The following KIF1B variants were observed in gnomAD, a reference collection of about 807,000 sequenced individuals.
The protein encoded by KIF1B is kinesin-like protein KIF1B.
A neutral mutation model predicts 241.9 loss-of-function variants in KIF1B; 76 were observed. The ratio of observed to expected loss-of-function variants is 0.31; its 90% confidence interval spans 0.26 to 0.38. The LOEUF is 0.38. KIF1B is among the 10% of genes least tolerant of loss of function. KIF1B has a pLI of 1.00. For missense variants in KIF1B, 1,622 were observed against 2,271.4 expected (o/e 0.71, Z 5.81); for synonymous variants, 750 against 796.7 (o/e 0.94, Z 0.99).
At position 10,278,008 on chromosome 1, in the gene KIF1B, A is replaced by G; in HGVS notation, c.1060A>G (p.Ile354Val). Reference protein sequence around the residue: ...TLRYADRAKQIKCNAVINEDP... With the variant: ...TLRYADRAKQVKCNAVINEDP... ...TAGATATGCAGATCGTGCAAAACAAATTAAATGCAATGCTGTTATCAATGA... is the reference window on the plus strand; with the variant it reads ...TAGATATGCAGATCGTGCAAAACAAGTTAAATGCAATGCTGTTATCAATGA... Residue 354 changes from isoleucine (I) to valine (V), a missense_variant, in exon 13 of 49, where the codon ATT becomes GTT. Transcript: ENST00000676179. 6.2e-7 allele frequency: 1 copy of G among 1,614,070 alleles called. No homozygotes were observed. Among genetic ancestry groups the G allele is most frequent in the Non-Finnish European group, 8.5e-7 (1 of 1,179,950 alleles).
intron 22 of KIF1B, among the ~76,000 whole-genome samples, chr1:10,319,711 C>T (rs1651449810): frequency 6.6e-6 from 1 of 152,054 alleles, no homozygotes; most frequent in African/African-American, 2.4e-5. Context: ...TATATTCTAA[C>T]GCTTAAGGTA....
intron 7 of KIF1B, among the ~76,000 whole-genome samples, chr1:10,271,161 G>A (rs1236570427): frequency 6.7e-6 from 1 of 149,962 alleles, no homozygotes; most frequent in Non-Finnish European, 1.5e-5. Context: ...TATGAATTTT[G>A]TGCATGCTCT....
rs1000968985 is a variant in KIF1B, at chr1:10,282,238, G to A, written c.1223-84G>A. ...CTTTAATGCTGTCCTTTCTTACAAC[G>A]ATATTCCTTCCTGTCTTTTTTTCTT... On this transcript the variant is annotated intron_variant, in intron 14 of 48. Coordinates refer to ENST00000676179, the MANE Select transcript of KIF1B (RefSeq NM_001365951.3). The A allele has an allele frequency of 6.8e-5, 74 of 1,091,226 alleles. No individual in the cohort carries two copies. The African/African-American group carries it at 9.0e-4, about 13-fold the overall frequency. The allele number at this position is 1,091,226 out of a possible 1,614,324, so 67.6% of individuals were successfully genotyped here.
At chr1:10,351,802 C>CA (rs2102333817) in intron 37 of KIF1B, among the ~76,000 whole-genome samples, 1 of 151,804 alleles carries the variant, frequency 6.6e-6, no homozygotes, top group South Asian at 2.1e-4. Context: ...CCCGTCTCTA[C>CA]AAAAAAATAA....
intron 31 of KIF1B, 54 bp from the exon 32 acceptor site, chr1:10,339,715 C>A: frequency 6.9e-7 from 1 of 1,458,162 alleles, no homozygotes; most frequent in Non-Finnish European, 9.6e-7. Flanking sequence ...GAAAGAGATT[C>A]TGATAAAACC....
At chr1:10,347,281 G>A (rs916567724) in intron 35 of KIF1B, among the ~76,000 whole-genome samples, 1 of 152,180 alleles carries the variant, frequency 6.6e-6, no homozygotes, top group African/African-American at 2.4e-5. Context: ...CTATGTGTAG[G>A]ATACTGTGTT....
At chr1:10,324,965 G>C (rs1171284991) in intron 26 of KIF1B, 70 bp downstream of exon 26, 1 of 1,568,720 alleles carries the variant, frequency 6.4e-7, no homozygotes, top group African/African-American at 1.4e-5. Context: ...AACCTGAGCA[G>C]ATAATATAAA....
At chr1:10,320,495 T>A (rs540304883) in intron 23 of KIF1B, among the ~76,000 whole-genome samples, 43 of 152,158 alleles carry the variant, frequency 2.8e-4, no homozygotes, top group Non-Finnish European at 5.4e-4. Context: ...TCTGTTCAAT[T>A]TGAAGCCATT....
At chr1:10,232,536 A>G in intron 2 of KIF1B, 102 bp downstream of exon 2, 1 of 812,064 alleles carries the variant, frequency 1.2e-6, no homozygotes, top group Non-Finnish European at 2.1e-6. Flanking sequence ...GTATGTTAAC[A>G]CTTTGAACTT....
chr1:10,228,495 AG>A (rs1460270548), intron 1 of KIF1B, among the ~76,000 whole-genome samples: 1 of 152,206 alleles, frequency 6.6e-6, no homozygotes, highest in Non-Finnish European at 1.5e-5. Flanking sequence ...CATGCTTTAG[AG>A]GGGTTGATCT....
chr1:10,355,759 A>G (rs1026139913), intron 38 of KIF1B, among the ~76,000 whole-genome samples: 4 of 152,178 alleles, frequency 2.6e-5, no homozygotes, highest in African/African-American at 9.6e-5. Flanking sequence ...TGAAGGGTTT[A>G]TTGCTTTATA....
intron 22 of KIF1B, among the ~76,000 whole-genome samples, chr1:10,301,491 C>T (rs1258109500): frequency 2.0e-5 from 3 of 152,042 alleles, no homozygotes; most frequent in Admixed American, 1.3e-4. Flanking sequence ...CATGGTGAAA[C>T]CCCATCTCTA....
At chr1:10,313,834 G>A (rs1651186548) in intron 22 of KIF1B, among the ~76,000 whole-genome samples, 1 of 151,376 alleles carries the variant, frequency 6.6e-6, no homozygotes, top group South Asian at 2.1e-4. Flanking sequence ...ACAGGCGTGA[G>A]CCACCGTGCT....
chr1:10,272,476 T>G, intron 9 of KIF1B, 170 bp downstream of exon 9: 1 of 684,870 alleles, frequency 1.5e-6, no homozygotes, highest in Non-Finnish European at 2.7e-6. Flanking sequence ...CAGTTTGACT[T>G]TGTACTGAAA....
intron 4 of KIF1B, among the ~76,000 whole-genome samples, chr1:10,259,744 C>T (rs114804646): frequency 0.017 from 2,551 of 151,892 alleles, 76 homozygotes; most frequent in African/African-American, 0.058. Flanking sequence ...AGGCAATCCG[C>T]CCACCTCCGC....
intron 1 of KIF1B, among the ~76,000 whole-genome samples, chr1:10,231,900 A>G (rs1646988435): frequency 6.6e-6 from 1 of 152,150 alleles, no homozygotes; most frequent in Non-Finnish European, 1.5e-5. Flanking sequence ...AGATAATAGA[A>G]AGGGAAAACA....
At chr1:10,294,607 C>T (rs975377615) in intron 17 of KIF1B, among the ~76,000 whole-genome samples, 4 of 152,200 alleles carry the variant, frequency 2.6e-5, no homozygotes, top group Non-Finnish European at 4.4e-5. Flanking sequence ...GTGGCTCACT[C>T]CTATAGTCCC....
chr1:10,275,623 T>G, intron 11 of KIF1B, 120 bp downstream of exon 11: 1 of 758,486 alleles, frequency 1.3e-6, no homozygotes, highest in Non-Finnish European at 2.4e-6. Context: ...ACTACTTGAG[T>G]GTTCCTTGCC....
chr1:10,348,048 CTATTTTGAAAAA>C (rs1294408187), intron 36 of KIF1B, among the ~76,000 whole-genome samples: 1 of 151,642 alleles, frequency 6.6e-6, no homozygotes, highest in Non-Finnish European at 1.5e-5. Flanking sequence ...TTTAGAATAG[CTATTTTGAAAAA>C]TATTTTGTTT....
Sources: allele counts gnomAD v4.1 joint callset (sites outside exome capture counted in the v4.1 genomes callset), GRCh38; gene constraint gnomAD v4.1.1; transcripts MANE v1.5; gene names NCBI Gene and HGNC (gene_info 2026-07-23, HGNC 2026-07-21).